Variants in SEC16A observed in about 807,000 individuals in gnomAD.
SEC16A encodes the protein SEC16 homolog A, endoplasmic reticulum export factor, also known as protein transport protein Sec16A.
SEC16A carries 110 observed loss-of-function variants against 221.9 expected under a neutral mutation model. That is an observed-to-expected ratio of 0.50 (90% CI 0.42 to 0.58). The LOEUF is 0.58. Ranked by LOEUF, SEC16A falls within the 20% of genes least tolerant of loss-of-function variation. The pLI is 0.00. For synonymous variants in SEC16A, 1,393 were observed against 1,257.7 expected (o/e 1.11, Z -2.28); for missense variants, 3,165 against 3,097.8 (o/e 1.02, Z -0.52).
chr9:136,483,316 T>C (rs534329623), upstream of SEC16A, among the ~76,000 whole-genome samples: 201 of 110,300 alleles, frequency 1.8e-3, 1 homozygote, highest in Middle Eastern at 0.011. Flanking sequence ...CCTTATCCTG[T>C]AGTTCCCGCT....
intron 13 of SEC16A, among the ~76,000 whole-genome samples, chr9:136,460,816 G>A (rs768151092): frequency 6.6e-6 from 1 of 152,148 alleles, no homozygotes; most frequent in Non-Finnish European, 1.5e-5. Context: ...GGGAGGCCAA[G>A]GCGTGAGGAT....
In SEC16A at chr9:136,451,370, T is replaced by TG. The variant is rs765355390; in HGVS notation, c.6197dup (p.Gly2067ArgfsTer37). 1.2e-6 allele frequency: 2 copies of TG among 1,612,330 alleles called. No homozygotes were observed. The highest frequency in any genetic ancestry group is 8.5e-7 in the Non-Finnish European group (1 of 1,179,316). On this transcript the variant is annotated frameshift_variant, in exon 23 of 32. Coordinates refer to ENST00000684901, the MANE Select transcript of SEC16A (RefSeq NM_014866.2). LOFTEE classifies it high-confidence loss of function. ...GACCCGAGTCGGCACGATCCCACCC[T>TG]GGGGGGGCCTCCGAGTCTGGCACCG...
upstream of SEC16A, chr9:136,484,261 G>T (rs960165911): frequency 2.7e-6 from 2 of 748,716 alleles, no homozygotes; most frequent in Admixed American, 5.3e-5. Flanking sequence ...GGGCCCGGGC[G>T]CTCGGGCGGC....
rs1440450850 is a variant in SEC16A at position 136,474,502 on chromosome 9, G to T, written c.3114C>A (p.Asp1038Glu). ...CTTTCGTGACCTGCTGATAAAAACG[G>T]TCAAGGTTAGGCGCCCCAGGCCCAG... ...RQSGPGAPNLDRFYQQVTKDA... is the reference protein window; with the variant it reads ...RQSGPGAPNLERFYQQVTKDA... The change falls in exon 3 of 32, where the codon GAC (aspartate) becomes GAA (glutamate). Residue 1038 changes from aspartate to glutamate, a missense_variant. Asp to Glu is a conservative substitution (Grantham distance 45). Coordinates refer to ENST00000684901, the MANE Select transcript of SEC16A (RefSeq NM_014866.2). The T allele has an allele frequency of 6.2e-7, 1 of 1,612,904 alleles. No individual in the cohort carries two copies. The highest frequency in any genetic ancestry group is 1.3e-5 in the African/African-American group (1 of 74,944).
chr9:136,470,895 C>CA (rs2132687349), intron 4 of SEC16A, among the ~76,000 whole-genome samples: 1 of 152,342 alleles, frequency 6.6e-6, no homozygotes, highest in South Asian at 2.1e-4. Flanking sequence ...CAGTCTCTCT[C>CA]AGATCTCACA....
At position 136,461,033 on chromosome 9, in the gene SEC16A, C is replaced by A. The variant is rs979862825; in HGVS notation, c.4991+144G>T. 11 of 658,198 alleles carry A rather than the reference C, an allele frequency of 1.7e-5. No homozygotes were observed. The Admixed American group carries it at 2.7e-4, about 16-fold the overall frequency. 40.8% of individuals were successfully genotyped at this position (658,198 alleles called of 1,614,324 possible). The stretch of plus-strand genomic sequence containing the variant: ...TCCACAACACGACCCAAGGAAGCCT[C>A]GAGGCCAAGGAAGCCCGAGTTCGTG... On this transcript the variant is annotated intron_variant, in intron 13 of 31. Transcript: ENST00000684901.
chr9:136,455,767 A>T lies in SEC16A; in HGVS notation c.5691T>A (p.Asp1897Glu). 6.2e-7 allele frequency: 1 copy of T among 1,601,106 alleles called. No individual in the cohort carries two copies. Among genetic ancestry groups the T allele is most frequent in the East Asian group, 2.3e-5 (1 of 44,098 alleles). ...CAGGACACTGCTGCGGGAGGGCTCCATCCTGATGCCATACTCCAGCCCCCT... is the reference window on the plus strand; with the variant it reads ...CAGGACACTGCTGCGGGAGGGCTCCTTCCTGATGCCATACTCCAGCCCCCT... ...IKEGAGVWHQ[D>E]GALPQQCPGT... Residue 1897 changes from aspartate (D) to glutamate (E), a missense_variant, in exon 20 of 32, where the codon GAT becomes GAA. Around this residue, in one of 3 missense-constraint regions of SEC16A, gnomAD observed 1,088 missense variants for 1,089.6 expected, o/e 1.00. Transcript: ENST00000684901.
intron 28 of SEC16A, among the ~76,000 whole-genome samples, chr9:136,446,105 T>G (rs1289637936): frequency 2.2e-5 from 3 of 135,496 alleles, no homozygotes; most frequent in South Asian, 2.4e-4. Context: ...TCTGAGCTGG[T>G]TTTTTTTTTT....
Position 136,462,977 on chromosome 9 carries a change from A to G in SEC16A, c.4803T>C (p.Ser1601=), listed in dbSNP as rs1588950185. 1 of 1,609,534 alleles carries G rather than the reference A, an allele frequency of 6.2e-7. No individual in the cohort carries two copies. Among genetic ancestry groups the G allele is most frequent in the Middle Eastern group, 1.6e-4 (1 of 6,062 alleles). ...EEEESGEAQL[S]FLTGGPAAAA... is the part of the protein sequence containing the mutation. Reference sequence around the variant, plus strand: ...CAGCCGCCGGACCACCAGTGAGGAAAGAGAGCTGGGCCTCACCAGACTCCT... The same window carrying G: ...CAGCCGCCGGACCACCAGTGAGGAAGGAGAGCTGGGCCTCACCAGACTCCT... Residue 1601 remains serine (S), a synonymous_variant, in exon 12 of 32, where the codon TCT becomes TCC. Coordinates refer to ENST00000684901, the MANE Select transcript of SEC16A (RefSeq NM_014866.2).
At position 136,459,096 on chromosome 9, in the gene SEC16A, C is replaced by G. The variant is rs1839119947; in HGVS notation, c.5409+38G>C. 1 of 1,493,290 alleles carries G rather than the reference C, an allele frequency of 6.7e-7. No homozygotes were observed. Among genetic ancestry groups the G allele is most frequent in the Non-Finnish European group, 9.2e-7 (1 of 1,087,288 alleles). 92.5% of individuals were successfully genotyped at this position (1,493,290 alleles called of 1,614,324 possible). A position where few individuals can be genotyped will look rare whatever the true frequency, so the allele number is the denominator to read the frequency against. ...AAGCTTGTTAGCACTGAGTGCCTGC[C>G]CAGCCATGACAGCTGCAGGCTGGCA... On this transcript the variant is annotated intron_variant, in intron 17 of 31. Transcript: ENST00000684901. The surrounding 1 kb of genome is among the most constrained non-coding windows in gnomAD (Gnocchi z 6.1).
Position 136,477,046 on chromosome 9 carries a change from G to C in SEC16A, c.570C>G (p.Asn190Lys), listed in dbSNP as rs1290143111. Residue 190 changes from asparagine (N) to lysine (K), a missense_variant, in exon 3 of 32, where the codon AAC (asparagine) becomes AAG (lysine). Physicochemically the swap from Asn to Lys is moderately conservative, Grantham distance 94. Transcript: ENST00000684901. ...PGLDRPLSRQ[N>K]PHDGVVTPAA... ...CTGGGGTGACCACACCGTCATGTGG[G>C]TTTTGCCTGCTCAGGGGTCGGTCGA... 1.2e-6 allele frequency: 2 copies of C among 1,613,830 alleles called. No individual in the cohort carries two copies. The highest frequency in any genetic ancestry group is 3.3e-5 in the Admixed American group (2 of 60,028).
Position 136,447,770 on chromosome 9 carries a change from G to C in SEC16A, c.6447+83C>G. On this transcript the variant is annotated intron_variant, in intron 25 of 31. Coordinates refer to ENST00000684901, the MANE Select transcript of SEC16A (RefSeq NM_014866.2). The surrounding 1 kb of genome is among the most constrained non-coding windows in gnomAD (Gnocchi z 5.5). ...TCAGGAGGCTCCAAAAGGGGCAACA[G>C]CCACCCAAATATCACAGGGCCACAT... The C allele has an allele frequency of 6.5e-7, 1 of 1,545,050 alleles. No homozygotes were observed. The highest frequency in any genetic ancestry group is 8.9e-7 in the Non-Finnish European group (1 of 1,125,644).
chr9:136,466,276 G>A lies in SEC16A; in HGVS notation c.4116C>T (p.Ser1372=). Residue 1372 remains serine (S), a synonymous_variant, in exon 7 of 32, where the codon TCC becomes TCT. Coordinates refer to ENST00000684901, the MANE Select transcript of SEC16A (RefSeq NM_014866.2). The surrounding 1 kb of genome is among the most constrained non-coding windows in gnomAD (Gnocchi z 5.5). ...SLASRRSSLS[S]HSHQSQIYRS... is the part of the protein sequence containing the mutation. ...CGCCGCCGCGTACCTGGTGCGAGTG[G>A]GAGCTGAGGCTGCTGCGGCGGCTGG... is the stretch of plus-strand genomic sequence containing the variant. 2 of 1,580,274 alleles carry A rather than the reference G, an allele frequency of 1.3e-6. No homozygotes were observed. Among genetic ancestry groups the A allele is most frequent in the Non-Finnish European group, 8.6e-7 (1 of 1,162,746 alleles).
Position 136,459,603 on chromosome 9 carries a change from C to A in SEC16A, c.5192-48G>T. On this transcript the variant is annotated intron_variant, in intron 15 of 31. Transcript: ENST00000684901. This position sits in a 1 kb window ranked among gnomAD's most constrained non-coding sequence, Gnocchi z 6.1. ...ACGGCGGGGGCTCAGCGACCGGGAG[C>A]GCTTGCAGAAGTCAAGGACGCGCAC... 6.8e-7 allele frequency: 1 copy of A among 1,472,246 alleles called. No individual in the cohort carries two copies. Among genetic ancestry groups the A allele is most frequent in the South Asian group, 1.2e-5 (1 of 82,384 alleles). 91.2% of individuals were successfully genotyped at this position (1,472,246 alleles called of 1,614,324 possible).
At position 136,441,732 on chromosome 9, in the gene SEC16A, T is replaced by G. The variant is rs539883160; in HGVS notation, c.*23A>C. ...AGAACAGCAGCGTCAGGGCTCCAAG[T>G]GCAAGTTCACAGCAGGGCAAGCCTA... On this transcript the variant is annotated 3_prime_UTR_variant, in exon 32 of 32. Transcript: ENST00000684901. 11 of 1,611,412 alleles carry G rather than the reference T, an allele frequency of 6.8e-6. No individual in the cohort carries two copies. In the Admixed American group the frequency reaches 8.3e-5, roughly 12 times the overall value.
Position 136,474,738 on chromosome 9 carries a change from C to T in SEC16A, c.2878G>A (p.Gly960Arg). The T allele has an allele frequency of 6.2e-7, 1 of 1,613,918 alleles. No homozygotes were observed. Among genetic ancestry groups the T allele is most frequent in the Non-Finnish European group, 8.5e-7 (1 of 1,179,894 alleles). The change falls in exon 3 of 32, where the codon GGA (glycine) becomes AGA (arginine). Residue 960 changes from glycine to arginine, a missense_variant. Gly to Arg is a moderately radical substitution (Grantham distance 125). This residue lies in a region of SEC16A where 2,030 missense variants were observed against 1,923.1 expected (regional missense o/e 1.06). Transcript: ENST00000684901. ...ALPGFANSPAGSTSVVLVPPA... is the reference protein window; with the variant it reads ...ALPGFANSPARSTSVVLVPPA... ...GGAACTAACACCACACTTGTGCTTC[C>T]AGCAGGGCTATTAGCAAATCCGGGA...
chr9:136,468,596 C>CA (rs1295142139), intron 4 of SEC16A, 84 bp from the exon 5 acceptor site: 9 of 849,968 alleles, frequency 1.1e-5, no homozygotes, highest in Non-Finnish European at 1.4e-5. Context: ...ATTCCCAAAG[C>CA]AATGGGCATT....
chr9:136,467,029 G>A lies in SEC16A; in HGVS notation c.3857C>T (p.Thr1286Ile). The A allele has an allele frequency of 6.2e-7, 1 of 1,613,962 alleles. No homozygotes were observed. Among genetic ancestry groups the A allele is most frequent in the Non-Finnish European group, 8.5e-7 (1 of 1,179,878 alleles). The change falls in exon 6 of 32, where the codon ACC becomes ATC. Residue 1286 changes from threonine (T) to isoleucine (I), a missense_variant. Transcript: ENST00000684901. The stretch of plus-strand genomic sequence containing the variant: ...ATCACACCAATACCTCCGGTCATAG[G>A]TGCGGGGGTCCCTGACTCTAGCACT... Reference protein sequence around the residue: ...HYSARVRDPRTYDRRYWCDAE... With the variant: ...HYSARVRDPRIYDRRYWCDAE...
rs1236398722 is a variant in SEC16A, at chr9:136,480,260, A to G, written c.-191-1430T>C. Among the ~76,000 whole-genome samples, 3 of 152,310 alleles carry G rather than the reference A, an allele frequency of 2.0e-5. No individual in the cohort carries two copies. In the East Asian group the frequency reaches 5.8e-4, roughly 29 times the overall value. On this transcript the variant is annotated intron_variant, in intron 1 of 31. Transcript: ENST00000684901. ...CCTGCAACCACGGCCAGAACACGCA[A>G]ACTTCCAAGCACCTCCTGAAACTCT...
Sources: allele counts gnomAD v4.1 joint callset (sites outside exome capture counted in the v4.1 genomes callset), GRCh38; gene constraint gnomAD v4.1.1; regional missense constraint gnomAD v4.1.1; non-coding constraint Gnocchi (gnomAD v3.1); transcripts MANE v1.5; gene names NCBI Gene and HGNC (gene_info 2026-07-23, HGNC 2026-07-21).